Variants in ITSN1 observed in about 807,000 individuals in gnomAD.
ITSN1 encodes the protein intersectin 1.
Under a neutral mutation model 239.8 loss-of-function variants are expected in ITSN1, and 58 were observed. That is an observed-to-expected ratio of 0.24 (90% CI 0.20 to 0.30). The LOEUF is 0.30. ITSN1 is among the 10% of genes least tolerant of loss of function. The probability of loss-of-function intolerance (pLI) is 1.00; values close to 1 mark genes in which losing one functional copy is unlikely to be tolerated. For missense variants in ITSN1, 1,558 were observed against 2,103.3 expected (o/e 0.74, Z 5.07); for synonymous variants, 780 against 770.8 (o/e 1.01, Z -0.20).
chr21:33,790,922 A>C (rs940706917), intron 16 of ITSN1, among the ~76,000 whole-genome samples: 2 of 152,190 alleles, frequency 1.3e-5, no homozygotes, highest in African/African-American at 2.4e-5. Context: ...ACTGTACTTG[A>C]GTCTCTTTAA....
chr21:33,728,614 C>G (rs1046149602), intron 4 of ITSN1, among the ~76,000 whole-genome samples: 4 of 152,128 alleles, frequency 2.6e-5, no homozygotes, highest in African/African-American at 7.2e-5. Context: ...TTCAGTTGCT[C>G]TAGTTCCTCA....
Position 33,774,752 on chromosome 21 carries a change from G to A in ITSN1, c.1329G>A (p.Arg443=), listed in dbSNP as rs991577384. 1 of 1,613,212 alleles carries A rather than the reference G, an allele frequency of 6.2e-7. No individual in the cohort carries two copies. The highest frequency in any genetic ancestry group is 1.3e-5 in the African/African-American group (1 of 74,798). The change falls in exon 13 of 40, where the codon AGG becomes AGA. Residue 443 remains arginine (R), a synonymous_variant. Transcript: ENST00000381318. ...AGGCTGCAAAACGGGAACTTGAAAG[G>A]CAACGACAACTTGAGTGGGAACGGA... The part of the protein sequence containing the change: ...RREAAKRELE[R]QRQLEWERNR...
chr21:33,660,698 G>A (rs936738634), intron 1 of ITSN1, among the ~76,000 whole-genome samples: 10 of 152,196 alleles, frequency 6.6e-5, no homozygotes, highest in Non-Finnish European at 2.9e-5. Context: ...GGCATTTCCA[G>A]AAAATTGTGG....
intron 31 of ITSN1, among the ~76,000 whole-genome samples, chr21:33,859,256 A>G (rs1979998995): frequency 6.6e-6 from 1 of 152,258 alleles, no homozygotes; most frequent in Admixed American, 6.5e-5. Flanking sequence ...CACTCCGGGA[A>G]GCTGGCCCTA....
intron 34 of ITSN1, among the ~76,000 whole-genome samples, chr21:33,877,825 T>TTGTGTGTG (rs3835379): frequency 5.4e-5 from 8 of 147,206 alleles, no homozygotes; most frequent in Middle Eastern, 3.2e-3. Context: ...TGTTTCTATT[T>TTGTGTGTG]TGTGTGTGTG....
rs545543136 is a variant in ITSN1, at chr21:33,895,426, C to CGTGTGT, written c.*7129_*7130insTGTGTG. ...CGTGGTGTGTGCATGCGTGTTTGTG[C>CGTGTGT]GTGCGTGTGCATGTATGTGTTTGTG... On this transcript the variant is annotated 3_prime_UTR_variant, in exon 40 of 40. Transcript: ENST00000381318. 0.35 allele frequency: 53,337 copies of CGTGTGT among 151,388 alleles called. 9,874 individuals are homozygous for CGTGTGT. The highest frequency in any genetic ancestry group is 0.59 in the East Asian group (3,002 of 5,106). 9.4% of individuals were successfully genotyped at this position (151,388 alleles called of 1,614,324 possible).
At chr21:33,798,952 C>T (rs1344474189) in intron 18 of ITSN1, among the ~76,000 whole-genome samples, 1 of 152,060 alleles carries the variant, frequency 6.6e-6, no homozygotes, top group Non-Finnish European at 1.5e-5. Context: ...CATGCGTCCT[C>T]CTAGTATAAG....
At chr21:33,808,585 C>CA (rs202211309) in intron 20 of ITSN1, among the ~76,000 whole-genome samples, 146 of 108,028 alleles carry the variant, frequency 1.4e-3, no homozygotes, top group Non-Finnish European at 1.4e-3. Flanking sequence ...GACTCCATCT[C>CA]AAAAAAAAAA....
rs777891935 is a variant in ITSN1 at position 33,774,952 on chromosome 21, C to G, written c.1456-16C>G. 6.2e-7 allele frequency: 1 copy of G among 1,604,690 alleles called. No homozygotes were observed. Among genetic ancestry groups the G allele is most frequent in the African/African-American group, 1.3e-5 (1 of 74,328 alleles). On this transcript the variant is annotated splice_polypyrimidine_tract_variant and intron_variant, in intron 13 of 39. Coordinates refer to ENST00000381318, the MANE Select transcript of ITSN1 (RefSeq NM_003024.3). The stretch of plus-strand genomic sequence containing the variant: ...TAAAAACAGTAATAATTTTTATTAT[C>G]TTTCATTTGTTCAAGAATGATAAAA...
intron 29 of ITSN1, among the ~76,000 whole-genome samples, chr21:33,844,068 T>C (rs527947706): frequency 6.6e-6 from 1 of 152,340 alleles, no homozygotes; most frequent in South Asian, 2.1e-4. Context: ...AGAGAAAAGA[T>C]TGGACAGCTT....
At chr21:33,842,139 C>T (rs879609277) in intron 29 of ITSN1, among the ~76,000 whole-genome samples, 4 of 152,142 alleles carry the variant, frequency 2.6e-5, no homozygotes, top group Middle Eastern at 3.4e-3. Context: ...TTGTGATCCG[C>T]CTGCCTCGGC....
At chr21:33,725,138 T>G (rs1336264543) in intron 4 of ITSN1, among the ~76,000 whole-genome samples, 9 of 132,524 alleles carry the variant, frequency 6.8e-5, no homozygotes, top group Non-Finnish European at 1.1e-4. Flanking sequence ...TTTTTGTTTT[T>G]TTTTTTTTTT....
rs1363546228 is a variant in ITSN1, at chr21:33,832,359, T to C, written c.3352-1948T>C. Among the ~76,000 whole-genome samples, 7 of 152,248 alleles carry C rather than the reference T, an allele frequency of 4.6e-5. No individual in the cohort carries two copies. The East Asian group carries it at 1.3e-3, about 29-fold the overall frequency. ...TCTTTAGTATTTTATATTACTTTGC[T>C]TTCTGTGCACATTTCTTACTTCCAC... On this transcript the variant is annotated intron_variant, in intron 27 of 39. Coordinates refer to ENST00000381318, the MANE Select transcript of ITSN1 (RefSeq NM_003024.3).
At chr21:33,714,406 A>G (rs1000476558) in intron 1 of ITSN1, among the ~76,000 whole-genome samples, 2 of 152,192 alleles carry the variant, frequency 1.3e-5, no homozygotes, top group African/African-American at 4.8e-5. Flanking sequence ...AATATTAGTC[A>G]TAGTGAGGTG....
Position 33,882,531 on chromosome 21 carries a change from A to G in ITSN1, c.4554+76A>G, listed in dbSNP as rs1367836889. On this transcript the variant is annotated intron_variant, in intron 35 of 39. Coordinates refer to ENST00000381318, the MANE Select transcript of ITSN1 (RefSeq NM_003024.3). This position sits in a 1 kb window ranked among gnomAD's most constrained non-coding sequence, Gnocchi z 4.5. The stretch of plus-strand genomic sequence containing the variant: ...GAAGAAGTTTCCAAAAAGGAGGTAG[A>G]GTTTTAGCAGGGTCAGGGGCTGTGG... 7.7e-7 allele frequency: 1 copy of G among 1,292,170 alleles called. No individual in the cohort carries two copies. Among genetic ancestry groups the G allele is most frequent in the Non-Finnish European group, 1.1e-6 (1 of 915,804 alleles). The allele number at this position is 1,292,170 out of a possible 1,614,324, so 80.0% of individuals were successfully genotyped here. A position where few individuals can be genotyped will look rare whatever the true frequency, so the allele number is the denominator to read the frequency against.
At chr21:33,778,804 T>G (rs2069881738) in intron 14 of ITSN1, among the ~76,000 whole-genome samples, 1 of 141,020 alleles carries the variant, frequency 7.1e-6, no homozygotes, top group Non-Finnish European at 1.5e-5. Context: ...GGTCTCGATC[T>G]CCTGACCTCG....
At chr21:33,856,886 G>C in intron 30 of ITSN1, 29 bp downstream of exon 30, 2 of 1,609,796 alleles carry the variant, frequency 1.2e-6, no homozygotes, top group East Asian at 2.2e-5. Context: ...CAGGGGGCAC[G>C]GCAGGGGGCG....
At chr21:33,812,364 G>C (rs914621328) in intron 21 of ITSN1, among the ~76,000 whole-genome samples, 1 of 151,948 alleles carries the variant, frequency 6.6e-6, no homozygotes, top group African/African-American at 2.4e-5. Flanking sequence ...ATAATTATGG[G>C]CACCTTATTT....
chr21:33,802,255 G>A lies in ITSN1; in HGVS notation c.2305-175G>A, dbSNP rs191467018. ...TAATGAGAAAGTGTTGCTCTTTTTC[G>A]GGAACATATCTGGGCTTCACTTGTA... On this transcript the variant is annotated intron_variant, in intron 19 of 39. Coordinates refer to ENST00000381318, the MANE Select transcript of ITSN1 (RefSeq NM_003024.3). Among the ~76,000 whole-genome samples the A allele has an allele frequency of 6.6e-5, 10 of 152,230 alleles. No individual in the cohort carries two copies. In the East Asian group the frequency reaches 1.5e-3, roughly 23 times the overall value.
Sources: gnomAD v4.1 joint callset for allele counts (sites outside exome capture counted in the v4.1 genomes callset) on GRCh38, gnomAD v4.1.1 for gene constraint, Gnocchi (gnomAD v3.1) non-coding constraint, MANE v1.5 for transcripts, NCBI Gene and HGNC (gene_info 2026-07-23, HGNC 2026-07-21) for gene names.